TDRD7: variants seen among roughly 807,000 people sequenced by gnomAD.
TDRD7 encodes tudor domain-containing protein 7.
TDRD7 carries 47 observed loss-of-function variants against 109.8 expected under a neutral mutation model. The observed-to-expected ratio is 0.43, with a 90% CI of 0.34 to 0.55. The LOEUF is 0.55. Among genes scored for constraint, TDRD7 ranks in the 20% least tolerant of loss-of-function variants. TDRD7 has a pLI of 0.03. For synonymous variants in TDRD7, 424 were observed against 457.3 expected, an observed-to-expected ratio of 0.93 and a Z score of 0.93; for missense variants, 1,164 against 1,319.2, an observed-to-expected ratio of 0.88 and a Z score of 1.82.
chr9:97,428,268 C>T (rs1004299829), intron 1 of TDRD7, among the ~76,000 whole-genome samples, 192 bp from the exon 2 acceptor site: 1 of 152,180 alleles, frequency 6.6e-6, no homozygotes, highest in African/African-American at 2.4e-5. Context: ...TGGTCTTGTG[C>T]CTTCTGACTT....
chr9:97,492,208 T>C (rs1170374089), intron 16 of TDRD7, among the ~76,000 whole-genome samples: 1 of 152,222 alleles, frequency 6.6e-6, no homozygotes, highest in East Asian at 1.9e-4. Context: ...TAGGAGGCAG[T>C]AGCAACTTCT....
chr9:97,460,746 C>T lies in TDRD7; in HGVS notation c.1424C>T (p.Thr475Ile). ...GTATTGGTGGTTGAACTGAGCAACA[C>T]AAATGAAGTGGTTATCAGGCAAGTT... ...PSVLVVELSNTNEVVIRYVGK... is the reference protein window; with the variant it reads ...PSVLVVELSNINEVVIRYVGK... Residue 475 changes from threonine (T) to isoleucine (I), a missense_variant, in exon 7 of 17, where the codon ACA becomes ATA. By Grantham distance (89) the Thr-to-Ile change is moderately conservative. Transcript: ENST00000355295. 6.2e-7 allele frequency: 1 copy of T among 1,614,012 alleles called. No homozygotes were observed. The highest frequency in any genetic ancestry group is 1.1e-5 in the South Asian group (1 of 91,080).
Position 97,483,347 on chromosome 9 carries a change from A to G in TDRD7, c.2911A>G (p.Asn971Asp), listed in dbSNP as rs767231476. The change falls in exon 15 of 17, where the codon AAT becomes GAT. Residue 971 changes from asparagine to aspartate, a missense_variant. Around this residue, in one of 5 missense-constraint regions of TDRD7, gnomAD observed 162 missense variants for 222.5 expected, o/e 0.73. Transcript: ENST00000355295. The part of the protein sequence containing the change: ...KDQVYAAKVE[N>D]KWHRVLLKGI... ...CCAAGTGTATGCTGCAAAAGTGGAA[A>G]ATAAGTAGGTCCTTGGACAAAGCAT... 1 of 1,613,778 alleles carries G rather than the reference A, an allele frequency of 6.2e-7. No individual in the cohort carries two copies.
intron 15 of TDRD7, among the ~76,000 whole-genome samples, chr9:97,484,678 A>G (rs780485691): frequency 2.6e-5 from 4 of 152,218 alleles, no homozygotes; most frequent in Non-Finnish European, 4.4e-5. Flanking sequence ...TGTATGTCAT[A>G]AGCTTTTCTT....
intron 1 of TDRD7, among the ~76,000 whole-genome samples, chr9:97,420,794 G>T (rs1221133744): frequency 6.6e-6 from 1 of 152,144 alleles, no homozygotes; most frequent in Non-Finnish European, 1.5e-5. Context: ...CAATAATGTA[G>T]GAGAGGACTG....
rs1829391842 is a variant in TDRD7 at position 97,495,977 on chromosome 9, T to C, written c.*94T>C. 7.3e-6 allele frequency: 7 copies of C among 957,142 alleles called. No homozygotes were observed. Among genetic ancestry groups the C allele is most frequent in the Non-Finnish European group, 1.7e-6 (1 of 594,654 alleles). 59.3% of individuals were successfully genotyped at this position (957,142 alleles called of 1,614,324 possible). On this transcript the variant is annotated 3_prime_UTR_variant, in exon 17 of 17. Coordinates refer to ENST00000355295, the MANE Select transcript of TDRD7 (RefSeq NM_014290.3). ...AAAAATCTTAACTCTGCTACATGGC[T>C]CTGACTGCTGTGGGGGATTGAAAAG...
At chr9:97,422,624 C>T (rs928177020) in intron 1 of TDRD7, among the ~76,000 whole-genome samples, 1 of 152,224 alleles carries the variant, frequency 6.6e-6, no homozygotes, top group Non-Finnish European at 1.5e-5. Flanking sequence ...AGGGAGACAG[C>T]ACTCACTCTT....
chr9:97,441,090 T>G (rs1285845519), intron 5 of TDRD7, among the ~76,000 whole-genome samples: 1 of 152,212 alleles, frequency 6.6e-6, no homozygotes, highest in African/African-American at 2.4e-5. Context: ...ATGATGATGA[T>G]TATAGATGGA....
At position 97,475,542 on chromosome 9, in the gene TDRD7, T is replaced by A. The variant is rs929667385; in HGVS notation, c.2166+73T>A. 5.9e-5 allele frequency: 64 copies of A among 1,087,210 alleles called. No homozygotes were observed. In the Admixed American group the frequency reaches 7.2e-4, roughly 12 times the overall value. The allele number at this position is 1,087,210 out of a possible 1,614,324, so 67.3% of individuals were successfully genotyped here. A position where few individuals can be genotyped will look rare whatever the true frequency, so the allele number is the denominator to read the frequency against. On this transcript the variant is annotated intron_variant, in intron 12 of 16. Transcript: ENST00000355295. ...TTTCAAATATACACATAGGTTTTTT[T>A]AAAAAATTGAATAAATACTCACAGA...
In TDRD7 at chr9:97,432,076, T is replaced by C; in HGVS notation, c.401T>C (p.Val134Ala). 1.2e-6 allele frequency: 2 copies of C among 1,613,860 alleles called. No individual in the cohort carries two copies. Among genetic ancestry groups the C allele is most frequent in the South Asian group, 2.2e-5 (2 of 91,082 alleles). ...RQPGFASNFS[V>A]GKKPNPAPLR... ...CCAGGATTTGCTTCAAATTTTTCTG[T>C]TGGCAAAAAACCTAATCCAGCACCG... The change falls in exon 4 of 17, where the codon GTT becomes GCT. Residue 134 changes from valine (V) to alanine (A), a missense_variant. This residue lies in a region of TDRD7 where 407 missense variants were observed against 394.0 expected (regional missense o/e 1.03). Transcript: ENST00000355295.
chr9:97,485,353 C>T (rs537383991), intron 15 of TDRD7, among the ~76,000 whole-genome samples: 1 of 152,180 alleles, frequency 6.6e-6, no homozygotes, highest in Non-Finnish European at 1.5e-5. Context: ...TTTTAGTAAT[C>T]TAGTCAAAAC....
intron 6 of TDRD7, among the ~76,000 whole-genome samples, chr9:97,449,657 C>T (rs1218120040): frequency 1.3e-5 from 2 of 152,178 alleles, no homozygotes; most frequent in Non-Finnish European, 1.5e-5. Context: ...CTTCATTACG[C>T]AGGCATGTTG....
chr9:97,494,497 A>G (rs1829361469), intron 16 of TDRD7, among the ~76,000 whole-genome samples: 1 of 152,166 alleles, frequency 6.6e-6, no homozygotes, highest in South Asian at 2.1e-4. Flanking sequence ...GCTGCTGCAG[A>G]TAAAATGAAA....
rs748593033 is a variant in TDRD7, at chr9:97,472,312, T to A, written c.1761T>A (p.Asp587Glu). The change falls in exon 10 of 17, where the codon GAT (aspartate) becomes GAA (glutamate). Residue 587 changes from aspartate (D) to glutamate (E), a missense_variant. Asp to Glu is a conservative substitution (Grantham distance 45). Coordinates refer to ENST00000355295, the MANE Select transcript of TDRD7 (RefSeq NM_014290.3). ...TTTCAGGCTTGGAAGTCCTAAGCGA[T>A]GACCCTGATCTAGTGAAGGTGGTTG... ...CKLAGLEVLS[D>E]DPDLVKVVES... 47 of 1,613,834 alleles carry A rather than the reference T, an allele frequency of 2.9e-5. No individual in the cohort carries two copies. In the Admixed American group the frequency reaches 5.2e-4, roughly 18 times the overall value.
intron 1 of TDRD7, among the ~76,000 whole-genome samples, chr9:97,421,150 AAG>A (rs975708463): frequency 6.6e-6 from 1 of 151,988 alleles, no homozygotes; most frequent in African/African-American, 2.4e-5. Flanking sequence ...AAAAAAAAAA[AAG>A]AAATTGTCAA....
chr9:97,415,249 A>G (rs1827792910), intron 1 of TDRD7, among the ~76,000 whole-genome samples: 1 of 152,242 alleles, frequency 6.6e-6, no homozygotes, highest in Non-Finnish European at 1.5e-5. Flanking sequence ...GAAATAGTTG[A>G]GCAAGAAGAA....
At position 97,483,012 on chromosome 9, in the gene TDRD7, C is replaced by G; in HGVS notation, c.2576C>G (p.Ser859Cys). 1 of 1,614,212 alleles carries G rather than the reference C, an allele frequency of 6.2e-7. No individual in the cohort carries two copies. The change falls in exon 15 of 17, where the codon TCT (serine) becomes TGT (cysteine). Residue 859 changes from serine to cysteine, a missense_variant. Ser to Cys is a moderately radical substitution (Grantham distance 112). Transcript: ENST00000355295. ...AGTGCCATATCCAGTGGAGCTGACT[C>G]TCCCAACAGCAAAAATGGCAACATG... ...FLSAISSGADSPNSKNGNMPM... is the reference protein window; with the variant it reads ...FLSAISSGADCPNSKNGNMPM...
At chr9:97,463,397 T>C (rs1322605304) in intron 7 of TDRD7, among the ~76,000 whole-genome samples, 10 of 151,086 alleles carry the variant, frequency 6.6e-5, no homozygotes, top group South Asian at 2.1e-4. Context: ...TTTTTTTTTT[T>C]CTCCTTGTAA....
Position 97,495,985 on chromosome 9 carries a change from C to A in TDRD7, c.*102C>A. On this transcript the variant is annotated 3_prime_UTR_variant, in exon 17 of 17. Transcript: ENST00000355295. ...TAACTCTGCTACATGGCTCTGACTG[C>A]TGTGGGGGATTGAAAAGAATATGCT... 1 of 902,674 alleles carries A rather than the reference C, an allele frequency of 1.1e-6. No individual in the cohort carries two copies. Among genetic ancestry groups the A allele is most frequent in the Non-Finnish European group, 1.8e-6 (1 of 550,112 alleles). The allele number at this position is 902,674 out of a possible 1,614,324, so 55.9% of individuals were successfully genotyped here. A position where few individuals can be genotyped will look rare whatever the true frequency, so the allele number is the denominator to read the frequency against.
Sources: gnomAD v4.1 joint callset for allele counts (sites outside exome capture counted in the v4.1 genomes callset) on GRCh38, gnomAD v4.1.1 for gene constraint, gnomAD v4.1.1 regional missense constraint, MANE v1.5 for transcripts, NCBI Gene and HGNC (gene_info 2026-07-23, HGNC 2026-07-21) for gene names.